Variants in XPO7 observed in about 807,000 individuals in gnomAD.
The protein encoded by XPO7 is exportin 7, also known as exportin-7.
A neutral mutation model predicts 144.3 loss-of-function variants in XPO7; 21 were observed. The ratio of observed to expected loss-of-function variants is 0.15; its 90% CI spans 0.10 to 0.21. XPO7 has a LOEUF of 0.21. Ranked by LOEUF, XPO7 falls within the 10% of genes least tolerant of loss-of-function variation. The pLI, the probability that XPO7 is intolerant of heterozygous loss-of-function variation, is 1.00. For synonymous variants in XPO7, 580 were observed against 499.6 expected, an observed-to-expected ratio of 1.16 and a Z score of -2.15; for missense variants, 808 against 1,325.8, an observed-to-expected ratio of 0.61 and a Z score of 6.06.
chr8:21,924,045 C>T (rs1453486337), intron 1 of XPO7, among the ~76,000 whole-genome samples: 2 of 152,156 alleles, frequency 1.3e-5, no homozygotes, highest in Admixed American at 1.3e-4. Flanking sequence ...AAACTCTCAG[C>T]TGGGGCTCCG....
chr8:21,939,577 C>A (rs1810926535), intron 1 of XPO7, among the ~76,000 whole-genome samples: 1 of 152,126 alleles, frequency 6.6e-6, no homozygotes. Flanking sequence ...CAAGTAATGA[C>A]TTTTTTATGC....
intron 1 of XPO7, among the ~76,000 whole-genome samples, chr8:21,920,704 T>C (rs1810251920): frequency 6.6e-6 from 1 of 152,196 alleles, no homozygotes; most frequent in South Asian, 2.1e-4. Flanking sequence ...ATAAAGTTTT[T>C]CCTGTCTGTG....
chr8:21,966,430 A>T, intron 1 of XPO7: 1 of 657,494 alleles, frequency 1.5e-6, no homozygotes, highest in Non-Finnish European at 2.8e-6. Context: ...TTAAAGCTAT[A>T]TGAAAATGTG....
At chr8:21,981,927 G>C (rs1812421522) in intron 10 of XPO7, 50 bp downstream of exon 10, 1 of 1,602,272 alleles carries the variant, frequency 6.2e-7, no homozygotes, top group Non-Finnish European at 8.5e-7. Context: ...GGAATCTCTT[G>C]CTTGTTGGTT....
Position 21,936,239 on chromosome 8 carries a change from G to T in XPO7, c.18+16451G>T, listed in dbSNP as rs149698054. On this transcript the variant is annotated intron_variant, in intron 1 of 27. Coordinates refer to ENST00000252512, the MANE Select transcript of XPO7 (RefSeq NM_015024.5). ...AAGATCAGCACCCTCAAGTCATTCC[G>T]ATTAGCAGCCATTTGTGGATCACTG... is the stretch of plus-strand genomic sequence containing the variant. Among the ~76,000 whole-genome samples the T allele has an allele frequency of 9.6e-4, 146 of 152,106 alleles. 1 individual carries two copies. Among genetic ancestry groups the T allele is most frequent in the African/African-American group, 3.3e-3 (136 of 41,458 alleles).
intron 19 of XPO7, 65 bp downstream of exon 19, chr8:21,992,039 C>T (rs1340776846): frequency 1.7e-5 from 23 of 1,334,174 alleles, no homozygotes; most frequent in Non-Finnish European, 2.2e-5. Context: ...GATTGAAAAT[C>T]GTGCTTGACT....
intron 1 of XPO7, among the ~76,000 whole-genome samples, chr8:21,944,547 A>G (rs1200301459): frequency 1.3e-5 from 2 of 152,320 alleles, no homozygotes; most frequent in East Asian, 3.9e-4. Flanking sequence ...AGCCTGGGCG[A>G]CAGAGTGAGA....
At chr8:21,934,646 A>G (rs1055078246) in intron 1 of XPO7, among the ~76,000 whole-genome samples, 2 of 152,240 alleles carry the variant, frequency 1.3e-5, no homozygotes, top group Non-Finnish European at 2.9e-5. Context: ...GACATGTTGA[A>G]AGTTCCTGAG....
intron 9 of XPO7, among the ~76,000 whole-genome samples, chr8:21,981,285 G>T (rs1563331070): frequency 6.6e-6 from 1 of 152,196 alleles, no homozygotes; most frequent in African/African-American, 2.4e-5. Flanking sequence ...GTATAACTTT[G>T]CTAACTATCG....
At chr8:21,961,909 C>T (rs974606160) in intron 1 of XPO7, among the ~76,000 whole-genome samples, 2 of 152,300 alleles carry the variant, frequency 1.3e-5, no homozygotes, top group Admixed American at 6.5e-5. Flanking sequence ...GTGATCTGCC[C>T]GCCTGAGCCT....
At chr8:21,963,245 A>G (rs1180023816) in intron 1 of XPO7, among the ~76,000 whole-genome samples, 1 of 152,200 alleles carries the variant, frequency 6.6e-6, no homozygotes, top group African/African-American at 2.4e-5. Flanking sequence ...TGTGCTCTTC[A>G]GAACACCTGC....
At chr8:21,965,210 T>C (rs992118160) in intron 1 of XPO7, among the ~76,000 whole-genome samples, 16 of 152,070 alleles carry the variant, frequency 1.1e-4, no homozygotes, top group African/African-American at 3.9e-4. Context: ...AAACAAAACC[T>C]TGTGAAGGAG....
At chr8:21,998,924 C>A in intron 22 of XPO7, 87 bp downstream of exon 22, 1 of 1,521,150 alleles carries the variant, frequency 6.6e-7, no homozygotes. Context: ...CTGGCCAGTC[C>A]TGGCAGGAGC....
chr8:21,998,164 G>C (rs373471138), intron 21 of XPO7, among the ~76,000 whole-genome samples: 22 of 152,170 alleles, frequency 1.4e-4, no homozygotes, highest in Non-Finnish European at 2.6e-4. Flanking sequence ...AATCAAGGCC[G>C]GGCACGGTGG....
chr8:21,981,886 T>C lies in XPO7; in HGVS notation c.1104+9T>C, dbSNP rs1812420425. On this transcript the variant is annotated intron_variant, in intron 10 of 27. Coordinates refer to ENST00000252512, the MANE Select transcript of XPO7 (RefSeq NM_015024.5). ...CAGTGACCAGCCTACAGGTTTGTCT[T>C]TGATTACTTGTGTCTTCCTTCCTAA... The C allele has an allele frequency of 1.2e-6, 2 of 1,611,126 alleles. No homozygotes were observed. The highest frequency in any genetic ancestry group is 1.7e-5 in the Admixed American group (1 of 59,966).
intron 1 of XPO7, among the ~76,000 whole-genome samples, chr8:21,929,220 G>T (rs906268892): frequency 3.9e-5 from 6 of 152,192 alleles, no homozygotes; most frequent in African/African-American, 1.4e-4. Context: ...TGCTACTCTA[G>T]AATAAACTTG....
chr8:21,950,062 C>T (rs568515056), intron 1 of XPO7, among the ~76,000 whole-genome samples: 1 of 152,204 alleles, frequency 6.6e-6, no homozygotes, highest in Non-Finnish European at 1.5e-5. Context: ...GCCTTGGTGT[C>T]TTCAGTCTCT....
chr8:21,927,335 T>G (rs1414919358), intron 1 of XPO7, among the ~76,000 whole-genome samples: 1 of 152,188 alleles, frequency 6.6e-6, no homozygotes, highest in Admixed American at 6.5e-5. Flanking sequence ...TTACTAGTTC[T>G]TGGAATTCTA....
At chr8:21,962,272 C>G (rs1047223931) in intron 1 of XPO7, among the ~76,000 whole-genome samples, 2 of 152,150 alleles carry the variant, frequency 1.3e-5, no homozygotes, top group Admixed American at 6.5e-5. Context: ...ACCACGATTG[C>G]CTTTCATATA....
Sources: allele counts gnomAD v4.1 joint callset (sites outside exome capture counted in the v4.1 genomes callset), GRCh38; gene constraint gnomAD v4.1.1; transcripts MANE v1.5; gene names NCBI Gene and HGNC (gene_info 2026-07-23, HGNC 2026-07-21).